MAN1C1: variants seen among roughly 807,000 people sequenced by gnomAD.
MAN1C1 encodes mannosyl-oligosaccharide 1,2-alpha-mannosidase IC.
In MAN1C1, 49 loss-of-function variants were observed where a neutral mutation model predicts 71.5. The ratio of observed to expected loss-of-function variants is 0.69; its 90% CI spans 0.54 to 0.87. The LOEUF (loss-of-function observed/expected upper bound fraction) is 0.87, where lower values mean the gene tolerates loss of function less well. MAN1C1 is among the 40% of genes least tolerant of loss of function. MAN1C1 has a pLI of 0.00. For synonymous variants in MAN1C1, 352 were observed against 343.7 expected, an observed-to-expected ratio of 1.02 and a Z score of -0.27; for missense variants, 743 against 835.0, an observed-to-expected ratio of 0.89 and a Z score of 1.36.
chr1:25,746,669 A>C lies in MAN1C1; in HGVS notation c.639A>C (p.Gly213=). The part of the protein sequence containing the change: ...TKDGYEGNMF[G]GLSGATVIDS... The stretch of plus-strand genomic sequence containing the variant: ...ACCCTCAATGCTCTGTGCCTGCAGG[A>C]GGCCTCAGCGGGGCAACAGTCATTG... Residue 213 remains glycine (G), a splice_region_variant and synonymous_variant, in exon 3 of 12, where the codon GGA becomes GGC. Coordinates refer to ENST00000374332, the MANE Select transcript of MAN1C1 (RefSeq NM_020379.4). The surrounding 1 kb of genome is among the most constrained non-coding windows in gnomAD (Gnocchi z 4.0). 6.2e-7 allele frequency: 1 copy of C among 1,611,340 alleles called. No homozygotes were observed. The highest frequency in any genetic ancestry group is 2.2e-5 in the East Asian group (1 of 44,854).
rs1309437222 is a variant in MAN1C1 at position 25,616,821 on chromosome 1, G to A, written c.-977G>A. Among the ~76,000 whole-genome samples, 1 of 148,162 alleles carries A rather than the reference G, an allele frequency of 6.7e-6. No individual in the cohort carries two copies. The highest frequency in any genetic ancestry group is 1.5e-5 in the Non-Finnish European group (1 of 66,462). ...AAGCCCGAGCGGCGGCGGCGGCGGG[G>A]ACGGCGGTGGAGGCGGCCGGGTGGC... On this transcript the variant is annotated 5_prime_UTR_variant, in exon 1 of 12. Coordinates refer to ENST00000374332, the MANE Select transcript of MAN1C1 (RefSeq NM_020379.4). The surrounding 1 kb of genome is among the most constrained non-coding windows in gnomAD (Gnocchi z 5.6).
intron 2 of MAN1C1, among the ~76,000 whole-genome samples, chr1:25,737,589 G>A (rs903651867): frequency 6.6e-6 from 1 of 152,184 alleles, no homozygotes; most frequent in Non-Finnish European, 1.5e-5. Context: ...GAGGATGGAT[G>A]CTGGGGCCAC....
At chr1:25,722,798 G>A (rs780556920) in intron 2 of MAN1C1, among the ~76,000 whole-genome samples, 1 of 152,202 alleles carries the variant, frequency 6.6e-6, no homozygotes, top group Non-Finnish European at 1.5e-5. Flanking sequence ...CAGAAGAGAA[G>A]ATGGTTGTGG....
chr1:25,671,023 C>T (rs1407681705), intron 1 of MAN1C1, among the ~76,000 whole-genome samples: 3 of 152,122 alleles, frequency 2.0e-5, no homozygotes, highest in Admixed American at 6.6e-5. Flanking sequence ...ACCACAGGTG[C>T]GTGCCACCAT....
chr1:25,766,555 C>T (rs1476418762), intron 7 of MAN1C1, among the ~76,000 whole-genome samples: 1 of 152,172 alleles, frequency 6.6e-6, no homozygotes, highest in Admixed American at 6.5e-5. Context: ...TCTCAGTTAC[C>T]TAGGCCTCTG....
intron 1 of MAN1C1, among the ~76,000 whole-genome samples, chr1:25,679,950 A>AAAAAATATAT (rs1285307256): frequency 7.7e-5 from 9 of 117,260 alleles, no homozygotes; most frequent in African/African-American, 2.6e-4. Flanking sequence ...AAAAAAAAAA[A>AAAAAATATAT]ATATATATAT....
intron 6 of MAN1C1, among the ~76,000 whole-genome samples, chr1:25,763,486 CAAAAAAAAAAA>C (rs60144894): frequency 2.3e-5 from 2 of 87,632 alleles, no homozygotes; most frequent in African/African-American, 8.2e-5. Context: ...GAGACTGTCT[CAAAAAAAAAAA>C]AAAAAAAAAA....
At position 25,631,027 on chromosome 1, in the gene MAN1C1, C is replaced by T. The variant is rs1026778884; in HGVS notation, c.540+12690C>T. Among the ~76,000 whole-genome samples, 37 of 152,074 alleles carry T rather than the reference C, an allele frequency of 2.4e-4. No homozygotes were observed. Among genetic ancestry groups the T allele is most frequent in the Admixed American group, 3.9e-4 (6 of 15,262 alleles). On this transcript the variant is annotated intron_variant, in intron 1 of 11. Coordinates refer to ENST00000374332, the MANE Select transcript of MAN1C1 (RefSeq NM_020379.4). This position sits in a 1 kb window ranked among gnomAD's most constrained non-coding sequence, Gnocchi z 4.2. Reference sequence around the variant, plus strand: ...TCGCCCAGGCTGGAGTCCAGTGGCACGATCTTGGCTCACTGAAACCCCCGC... The same window carrying T: ...TCGCCCAGGCTGGAGTCCAGTGGCATGATCTTGGCTCACTGAAACCCCCGC...
intron 3 of MAN1C1, among the ~76,000 whole-genome samples, chr1:25,748,344 C>T (rs563382679): frequency 1.3e-5 from 2 of 152,294 alleles, no homozygotes; most frequent in African/African-American, 4.8e-5. Flanking sequence ...GGATGAAGAG[C>T]TCCCCCAGGT....
chr1:25,679,085 C>T (rs898227105), intron 1 of MAN1C1, among the ~76,000 whole-genome samples: 1 of 151,754 alleles, frequency 6.6e-6, no homozygotes, highest in African/African-American at 2.4e-5. Context: ...TTAAAATTAC[C>T]TGAAAGGATT....
chr1:25,673,175 G>A (rs2046016464), intron 1 of MAN1C1, among the ~76,000 whole-genome samples: 2 of 152,178 alleles, frequency 1.3e-5, no homozygotes. Flanking sequence ...CAGGATGACA[G>A]CGCTGTCTCC....
At chr1:25,768,064 C>T (rs2047472388) in intron 7 of MAN1C1, among the ~76,000 whole-genome samples, 1 of 36,766 alleles carries the variant, frequency 2.7e-5, no homozygotes, top group East Asian at 6.7e-3. Context: ...TCCCCTCACA[C>T]ACACACACAC....
chr1:25,619,265 C>T (rs1439796841), intron 1 of MAN1C1, among the ~76,000 whole-genome samples: 1 of 152,204 alleles, frequency 6.6e-6, no homozygotes, highest in African/African-American at 2.4e-5. Flanking sequence ...GGGCCGTGGG[C>T]AAGCTGTGGG....
chr1:25,628,047 A>C (rs1432662238), intron 1 of MAN1C1, among the ~76,000 whole-genome samples: 1 of 152,058 alleles, frequency 6.6e-6, no homozygotes, highest in African/African-American at 2.4e-5. Flanking sequence ...GCACTGTCTA[A>C]AAAACTGAGA....
intron 1 of MAN1C1, among the ~76,000 whole-genome samples, chr1:25,669,903 C>G (rs1354917647): frequency 6.6e-6 from 1 of 152,226 alleles, no homozygotes; most frequent in African/African-American, 2.4e-5. Context: ...TCTCAGGCCC[C>G]CTTCTTGAGT....
intron 1 of MAN1C1, among the ~76,000 whole-genome samples, chr1:25,671,595 C>T (rs187145989): frequency 3.9e-4 from 59 of 152,290 alleles, no homozygotes; most frequent in Non-Finnish European, 7.5e-4. Context: ...AACATCAGAA[C>T]GCCTCATGTA....
intron 8 of MAN1C1, among the ~76,000 whole-genome samples, chr1:25,772,604 C>T (rs919441912): frequency 6.6e-6 from 1 of 152,206 alleles, no homozygotes; most frequent in Non-Finnish European, 1.5e-5. Flanking sequence ...CCACCTTGGT[C>T]TACACTACCT....
intron 4 of MAN1C1, among the ~76,000 whole-genome samples, chr1:25,752,577 A>C (rs796281738): frequency 2.0e-5 from 3 of 152,356 alleles, no homozygotes; most frequent in African/African-American, 7.2e-5. Flanking sequence ...ACTATTCTAA[A>C]CAATGCTGGA....
intron 7 of MAN1C1, among the ~76,000 whole-genome samples, chr1:25,766,913 C>T (rs909061895): frequency 2.0e-5 from 3 of 152,022 alleles, no homozygotes; most frequent in Non-Finnish European, 4.4e-5. Context: ...GCTTGTGGCC[C>T]AGCCTCCTGC....
Sources: gnomAD v4.1 joint callset for allele counts (sites outside exome capture counted in the v4.1 genomes callset) on GRCh38, gnomAD v4.1.1 for gene constraint, Gnocchi (gnomAD v3.1) non-coding constraint, MANE v1.5 for transcripts, NCBI Gene and HGNC (gene_info 2026-07-23, HGNC 2026-07-21) for gene names.